The following EPN2 variants were observed in gnomAD, a reference collection of about 807,000 sequenced individuals.
EPN2 encodes the protein epsin-2.
A neutral mutation model predicts 61.7 loss-of-function variants in EPN2; 34 were observed. The ratio of observed to expected loss-of-function variants is 0.55; its 90% CI spans 0.42 to 0.73. EPN2 has a LOEUF of 0.73. EPN2 is among the 30% of genes least tolerant of loss of function. The pLI is 0.00. For synonymous variants in EPN2, 349 were observed against 353.6 expected, an observed-to-expected ratio of 0.99 and a Z score of 0.15; for missense variants, 714 against 839.2, an observed-to-expected ratio of 0.85 and a Z score of 1.84.
chr17:19,263,902 G>A (rs1480370586), intron 1 of EPN2, among the ~76,000 whole-genome samples: 1 of 150,316 alleles, frequency 6.7e-6, no homozygotes, highest in Non-Finnish European at 1.5e-5. Context: ...GAAAGAGGGG[G>A]GCTGGAGCGA....
Position 19,283,259 on chromosome 17 carries a change from C to T in EPN2, c.140C>T (p.Thr47Ile), listed in dbSNP as rs1249380965. 1 of 1,614,150 alleles carries T rather than the reference C, an allele frequency of 6.2e-7. No homozygotes were observed. The highest frequency in any genetic ancestry group is 8.5e-7 in the Non-Finnish European group (1 of 1,180,030). ...SSLMTEIADL[T>I]YNVVAFSEIM... ...CTGATGACCGAGATTGCCGACCTGA[C>T]CTACAACGTGGTGGCCTTCTCGGAG... is the stretch of plus-strand genomic sequence containing the variant. The change falls in exon 3 of 11, where the codon ACC becomes ATC. Residue 47 changes from threonine to isoleucine, a missense_variant. By Grantham distance (89) the Thr-to-Ile change is moderately conservative. This residue lies in a region of EPN2 where 304 missense variants were observed against 417.4 expected (regional missense o/e 0.73). Coordinates refer to ENST00000314728, the MANE Select transcript of EPN2 (RefSeq NM_014964.5). This position sits in a 1 kb window ranked among gnomAD's most constrained non-coding sequence, Gnocchi z 7.0.
At position 19,285,726 on chromosome 17, in the gene EPN2, G is replaced by A. The variant is rs747180319; in HGVS notation, c.702G>A (p.Gly234=). 37 of 1,607,760 alleles carry A rather than the reference G, an allele frequency of 2.3e-5. 1 individual carries two copies. In the South Asian group the frequency reaches 4.1e-4, roughly 18 times the overall value. Residue 234 remains glycine (G), a synonymous_variant, in exon 4 of 11, where the codon GGG becomes GGA. Coordinates refer to ENST00000314728, the MANE Select transcript of EPN2 (RefSeq NM_014964.5). This position sits in a 1 kb window ranked among gnomAD's most constrained non-coding sequence, Gnocchi z 4.5. ...GCCACCCCTTCCTGCCGCACCTGGG[G>A]CTGGCCTCCCGCCCAAATGGCGACT... is the stretch of plus-strand genomic sequence containing the variant. ...SQRHPFLPHL[G]LASRPNGDWS...
intron 7 of EPN2, among the ~76,000 whole-genome samples, chr17:19,314,775 T>C (rs1215742773): frequency 6.6e-6 from 1 of 152,258 alleles, no homozygotes; most frequent in African/African-American, 2.4e-5. Flanking sequence ...TTGTCACTTG[T>C]GTGTGGTACC....
intron 1 of EPN2, among the ~76,000 whole-genome samples, chr17:19,254,477 G>T (rs928327237): frequency 2.0e-5 from 3 of 152,274 alleles, no homozygotes; most frequent in South Asian, 2.1e-4. Flanking sequence ...GGAGGCAGAG[G>T]TTGCAGTGAG....
intron 4 of EPN2, among the ~76,000 whole-genome samples, chr17:19,298,481 G>A (rs931308162): frequency 3.3e-5 from 5 of 152,172 alleles, no homozygotes; most frequent in African/African-American, 1.2e-4. Context: ...GGAATTATAG[G>A]CGTGAGCCAC....
intron 4 of EPN2, among the ~76,000 whole-genome samples, chr17:19,300,527 C>T (rs917339077): frequency 2.2e-5 from 3 of 138,406 alleles, no homozygotes; most frequent in African/African-American, 8.0e-5. Context: ...CTCCTGGGTT[C>T]AGGCGATTCT....
chr17:19,279,154 C>T (rs2045336606), intron 1 of EPN2, among the ~76,000 whole-genome samples: 1 of 152,226 alleles, frequency 6.6e-6, no homozygotes, highest in Non-Finnish European at 1.5e-5. Flanking sequence ...TTAGAGAAAG[C>T]CCCTGCCTTG....
intron 7 of EPN2, among the ~76,000 whole-genome samples, chr17:19,323,907 G>T (rs1425102036): frequency 6.6e-6 from 1 of 152,190 alleles, no homozygotes; most frequent in Non-Finnish European, 1.5e-5. Context: ...GTTAAGAGAA[G>T]TTCTTCAGGC....
At chr17:19,293,506 G>C (rs1428582277) in intron 4 of EPN2, among the ~76,000 whole-genome samples, 2 of 147,470 alleles carry the variant, frequency 1.4e-5, no homozygotes, top group African/African-American at 2.5e-5. Context: ...GGGTTGCTGA[G>C]ACTACAGGTG....
chr17:19,328,666 G>T, intron 7 of EPN2, 45 bp from the exon 8 acceptor site: 3 of 1,543,402 alleles, frequency 1.9e-6, no homozygotes, highest in African/African-American at 2.7e-5. Flanking sequence ...CAGCTGCCCA[G>T]ACCCTCTGAA....
chr17:19,331,081 T>C (rs1442868694), intron 9 of EPN2, among the ~76,000 whole-genome samples: 1 of 152,224 alleles, frequency 6.6e-6, no homozygotes, highest in Non-Finnish European at 1.5e-5. Context: ...CCTCAACTTT[T>C]GTGGATTAAC....
At chr17:19,290,700 C>CAAAAAAAA (rs757256478) in intron 4 of EPN2, among the ~76,000 whole-genome samples, 2 of 41,000 alleles carry the variant, frequency 4.9e-5, no homozygotes, top group East Asian at 6.5e-4. Flanking sequence ...TTCCCGTTCT[C>CAAAAAAAA]AAAAAAAAAA....
At chr17:19,298,585 C>G (rs1404510907) in intron 4 of EPN2, among the ~76,000 whole-genome samples, 2 of 152,154 alleles carry the variant, frequency 1.3e-5, no homozygotes, top group Non-Finnish European at 2.9e-5. Flanking sequence ...CTCACTGTAT[C>G]TTCAAACTCC....
chr17:19,268,184 T>C (rs2045219135), intron 1 of EPN2, among the ~76,000 whole-genome samples: 2 of 152,190 alleles, frequency 1.3e-5, no homozygotes, highest in Admixed American at 1.3e-4. Context: ...AGTCTTGTCC[T>C]TGTCTTCTCA....
chr17:19,286,732 A>G (rs780390525), intron 4 of EPN2, among the ~76,000 whole-genome samples: 5 of 152,216 alleles, frequency 3.3e-5, no homozygotes, highest in Non-Finnish European at 4.4e-5. Flanking sequence ...TGTAATAACT[A>G]TATTTAACTC....
chr17:19,294,301 C>A (rs2045494301), intron 4 of EPN2, among the ~76,000 whole-genome samples: 1 of 151,924 alleles, frequency 6.6e-6, no homozygotes, highest in Non-Finnish European at 1.5e-5. Context: ...ACCTGTAGTC[C>A]CAGCTACTTT....
chr17:19,323,555 A>G (rs191217490), intron 7 of EPN2, among the ~76,000 whole-genome samples: 149 of 152,288 alleles, frequency 9.8e-4, no homozygotes, highest in African/African-American at 3.3e-3. Context: ...AAATAAACCT[A>G]CAGAGAACAG....
At chr17:19,331,530 AAG>A (rs1484486179) in intron 9 of EPN2, among the ~76,000 whole-genome samples, 1 of 152,208 alleles carries the variant, frequency 6.6e-6, no homozygotes, top group Non-Finnish European at 1.5e-5. Flanking sequence ...AAAAAAAAAA[AAG>A]TAAATTGCCC....
At chr17:19,329,788 A>C (rs1598026996) in intron 9 of EPN2, 141 bp downstream of exon 9, 1 of 604,298 alleles carries the variant, frequency 1.7e-6, no homozygotes, top group East Asian at 2.8e-5. Context: ...TGAAGTTTCT[A>C]ATTCTAAGAA....
Sources: allele counts gnomAD v4.1 joint callset (sites outside exome capture counted in the v4.1 genomes callset), GRCh38; gene constraint gnomAD v4.1.1; regional missense constraint gnomAD v4.1.1; non-coding constraint Gnocchi (gnomAD v3.1); transcripts MANE v1.5; gene names NCBI Gene and HGNC (gene_info 2026-07-23, HGNC 2026-07-21).